CDRT4: variants seen among roughly 807,000 people sequenced by gnomAD.
The protein encoded by CDRT4 is CMT1A duplicated region transcript 4 protein.
For missense variants in CDRT4, 167 were observed against 193.1 expected, an observed-to-expected ratio of 0.87 and a Z score of 0.80; for synonymous variants, 64 against 69.6, an observed-to-expected ratio of 0.92 and a Z score of 0.40.
intron 1 of CDRT4, among the ~76,000 whole-genome samples, chr17:15,460,798 G>T (rs1343543786): frequency 6.6e-6 from 1 of 152,178 alleles, no homozygotes; most frequent in East Asian, 1.9e-4. Flanking sequence ...CAGAGCCCTT[G>T]GGATGAAATC....
chr17:15,465,063 CACAGACACACACCAAT>C (rs1979943152), intron 1 of CDRT4, among the ~76,000 whole-genome samples: 1 of 146,622 alleles, frequency 6.8e-6, no homozygotes, highest in Non-Finnish European at 1.5e-5. Flanking sequence ...CACACACCAA[CACAGACACACACCAAT>C]ACAGACACAC....
At chr17:15,444,884 C>G (rs1978948129) in intron 2 of CDRT4, among the ~76,000 whole-genome samples, 2 of 152,184 alleles carry the variant, frequency 1.3e-5, no homozygotes, top group Non-Finnish European at 2.9e-5. Flanking sequence ...CAACCACCAC[C>G]TGCCAATACC....
intron 3 of CDRT4, chr17:15,439,233 G>T (rs555958254): frequency 2.5e-5 from 11 of 445,598 alleles, no homozygotes; most frequent in Non-Finnish European, 4.9e-5. Flanking sequence ...AGGGAGGAGA[G>T]TTAAAAGAGT....
Position 15,464,643 on chromosome 17 carries a change from A to G in CDRT4, c.-130+2817T>C, listed in dbSNP as rs1392616032. ...GCTCCCCTCTCCAGCACTTTTCCAA[A>G]TGTCCCTCCTTATGCACCCTTCCCC... On this transcript the variant is annotated intron_variant, in intron 1 of 3. Coordinates refer to ENST00000619038, the MANE Select transcript of CDRT4 (RefSeq NM_001204477.2). This position sits in a 1 kb window ranked among gnomAD's most constrained non-coding sequence, Gnocchi z 4.5. 6.6e-6 allele frequency among the ~76,000 whole-genome samples: 1 copy of G among 151,808 alleles called. No homozygotes were observed. Among genetic ancestry groups the G allele is most frequent in the Non-Finnish European group, 1.5e-5 (1 of 67,944 alleles).
chr17:15,444,914 G>A (rs925487730), intron 2 of CDRT4, among the ~76,000 whole-genome samples: 1 of 152,174 alleles, frequency 6.6e-6, no homozygotes, highest in Non-Finnish European at 1.5e-5. Flanking sequence ...TTAGATCAAA[G>A]AAGAAGCAGT....
At chr17:15,456,560 C>A (rs889181140) in intron 1 of CDRT4, among the ~76,000 whole-genome samples, 2 of 126,782 alleles carry the variant, frequency 1.6e-5, no homozygotes, top group African/African-American at 8.5e-5. Context: ...GCTAATCTTC[C>A]TTTACACACA....
At position 15,437,574 on chromosome 17, in the gene CDRT4, G is replaced by A. The variant is rs1389632451; in HGVS notation, c.*199C>T. 5 of 611,026 alleles carry A rather than the reference G, an allele frequency of 8.2e-6. No individual in the cohort carries two copies. The highest frequency in any genetic ancestry group is 2.8e-5 in the East Asian group (1 of 36,194). The allele number at this position is 611,026 out of a possible 1,614,324, so 37.9% of individuals were successfully genotyped here. A position where few individuals can be genotyped will look rare whatever the true frequency, so the allele number is the denominator to read the frequency against. On this transcript the variant is annotated 3_prime_UTR_variant, in exon 4 of 4. Transcript: ENST00000619038. ...CCAAACCCACCAGAGAGCAGTGTGG[G>A]AGGGGACACACTCACCCACCCACCT...
At chr17:15,438,976 G>A (rs1398872862) in intron 3 of CDRT4, among the ~76,000 whole-genome samples, 1 of 152,160 alleles carries the variant, frequency 6.6e-6, no homozygotes, top group Non-Finnish European at 1.5e-5. Context: ...CCAGAAGTTT[G>A]GGGTGTTTGC....
chr17:15,459,442 T>TC (rs1272615518), intron 1 of CDRT4, among the ~76,000 whole-genome samples: 1 of 128,578 alleles, frequency 7.8e-6, no homozygotes, highest in Non-Finnish European at 1.6e-5. Context: ...TTTTTTTCTT[T>TC]TTTTTTTTTT....
At chr17:15,443,688 A>G (rs1978881954) in intron 2 of CDRT4, 1 of 433,260 alleles carries the variant, frequency 2.3e-6, no homozygotes, top group South Asian at 1.9e-5. Flanking sequence ...GAAAATGTCA[A>G]CATTACTCTG....
At chr17:15,440,557 G>C (rs1350692274) in intron 2 of CDRT4, among the ~76,000 whole-genome samples, 1 of 152,134 alleles carries the variant, frequency 6.6e-6, no homozygotes, top group Non-Finnish European at 1.5e-5. Flanking sequence ...TTAAAGGAGA[G>C]AGGCTGGGTA....
rs1978557375 is a variant in CDRT4, at chr17:15,437,769, T to C, written c.*4A>G. The C allele has an allele frequency of 6.2e-7, 1 of 1,609,660 alleles. No individual in the cohort carries two copies. The highest frequency in any genetic ancestry group is 8.5e-7 in the Non-Finnish European group (1 of 1,176,330). On this transcript the variant is annotated 3_prime_UTR_variant, in exon 4 of 4. Coordinates refer to ENST00000619038, the MANE Select transcript of CDRT4 (RefSeq NM_001204477.2). ...TAAAACATTTGCATGTTTCTCCTTG[T>C]TGGTCAGTAGCGAACTGTAGGGAGC...
At chr17:15,444,151 A>T in intron 2 of CDRT4, 2 of 1,256,020 alleles carry the variant, frequency 1.6e-6, no homozygotes, top group Non-Finnish European at 2.3e-6. Flanking sequence ...GATGGTATAT[A>T]TGTCTCTGAA....
rs1449742034 is a variant in CDRT4, at chr17:15,437,999, C to T, written c.233G>A (p.Arg78Lys). 3.1e-6 allele frequency: 5 copies of T among 1,614,064 alleles called. No individual in the cohort carries two copies. Among genetic ancestry groups the T allele is most frequent in the Non-Finnish European group, 4.2e-6 (5 of 1,180,030 alleles). The change falls in exon 4 of 4, where the codon AGG becomes AAG. Residue 78 changes from arginine (R) to lysine (K), a missense_variant. Coordinates refer to ENST00000619038, the MANE Select transcript of CDRT4 (RefSeq NM_001204477.2). ...GCCAGAAGACTTGGAAGACTTCCTC[C>T]TTTTCGGCTGAATGACGCTGGAAGG... ...NKPSSVIQPK[R>K]RKSSKSSGKA...
At chr17:15,465,221 AAC>A (rs752640014) in intron 1 of CDRT4, among the ~76,000 whole-genome samples, 70 of 133,214 alleles carry the variant, frequency 5.3e-4, no homozygotes, top group Middle Eastern at 7.3e-3. Context: ...GACACACACC[AAC>A]ACACAGACAC....
At chr17:15,449,566 T>C (rs1268336345) in intron 2 of CDRT4, among the ~76,000 whole-genome samples, 1 of 152,176 alleles carries the variant, frequency 6.6e-6, no homozygotes, top group South Asian at 2.1e-4. Context: ...TTTAATATTA[T>C]ATTTATTTTA....
intron 2 of CDRT4, among the ~76,000 whole-genome samples, chr17:15,448,939 T>G (rs1458207534): frequency 6.6e-6 from 1 of 152,220 alleles, no homozygotes; most frequent in Non-Finnish European, 1.5e-5. Context: ...GACCTGCTCA[T>G]TTCCAATCAC....
intron 1 of CDRT4, among the ~76,000 whole-genome samples, chr17:15,461,639 G>A (rs989900613): frequency 5.3e-5 from 8 of 152,200 alleles, no homozygotes; most frequent in Admixed American, 1.3e-4. Context: ...GTCTCCAGGT[G>A]AAGACCAGTG....
At chr17:15,452,662 T>G (rs964142794) in intron 2 of CDRT4, 1 of 152,260 alleles carries the variant, frequency 6.6e-6, no homozygotes, top group African/African-American at 2.4e-5. Flanking sequence ...TTCACACACA[T>G]GGCCCCTCCT....
Sources: gnomAD v4.1 joint callset for allele counts (sites outside exome capture counted in the v4.1 genomes callset) on GRCh38, gnomAD v4.1.1 for gene constraint, Gnocchi (gnomAD v3.1) non-coding constraint, MANE v1.5 for transcripts, NCBI Gene and HGNC (gene_info 2026-07-23, HGNC 2026-07-21) for gene names.